The following SVEP1 variants were observed in gnomAD, a reference collection of about 807,000 sequenced individuals.
SVEP1 encodes the protein sushi, von Willebrand factor type A, EGF and pentraxin domain-containing protein 1.
Under a neutral mutation model 367.3 loss-of-function variants are expected in SVEP1, and 164 were observed. The ratio of observed to expected loss-of-function variants is 0.45; its 90% CI spans 0.39 to 0.51. The LOEUF (loss-of-function observed/expected upper bound fraction) is 0.51, where lower values mean the gene tolerates loss of function less well. SVEP1 is among the 20% of genes least tolerant of loss of function. The pLI is 0.00. For missense variants in SVEP1, 4,117 were observed against 4,425.3 expected (o/e 0.93, Z 1.98); for synonymous variants, 1,666 against 1,611.6 (o/e 1.03, Z -0.81).
chr9:110,446,566 TTCTCAAACATGTCCATGGAGTCTCACC>T (rs761275356), intron 25 of SVEP1, among the ~76,000 whole-genome samples: 256 of 152,348 alleles, frequency 1.7e-3, no homozygotes, highest in Non-Finnish European at 2.9e-3. Flanking sequence ...GATCTGCTGA[TTCTCAAACATGTCCATGGAGTCTCACC>T]TCTGAAGTCA....
At chr9:110,426,193 C>T (rs1285905455) in intron 36 of SVEP1, among the ~76,000 whole-genome samples, 1 of 152,106 alleles carries the variant, frequency 6.6e-6, no homozygotes, top group Admixed American at 6.6e-5. Context: ...AAGATTTGGG[C>T]TTCAGTTATT....
rs1240169792 is a variant in SVEP1, at chr9:110,365,607, T to G, written c.*932A>C. On this transcript the variant is annotated 3_prime_UTR_variant, in exon 48 of 48. Transcript: ENST00000374469. ...GATAGAGGTAGGTGACAGTGAGGAC[T>G]GAGGGGCAGCTCAGCTTTCTCTTAG... is the stretch of plus-strand genomic sequence containing the variant. 6.6e-6 allele frequency: 1 copy of G among 152,280 alleles called. No individual in the cohort carries two copies. The highest frequency in any genetic ancestry group is 1.5e-5 in the Non-Finnish European group (1 of 68,068). The allele number at this position is 152,280 out of a possible 1,614,324, so 9.4% of individuals were successfully genotyped here.
chr9:110,554,260 C>A (rs1221731300), intron 1 of SVEP1, among the ~76,000 whole-genome samples: 1 of 151,752 alleles, frequency 6.6e-6, no homozygotes, highest in Admixed American at 6.6e-5. Context: ...TTTTTCTTTT[C>A]CAATAGAGCT....
chr9:110,505,626 C>G (rs1479858917), intron 5 of SVEP1, among the ~76,000 whole-genome samples: 1 of 152,106 alleles, frequency 6.6e-6, no homozygotes, highest in Non-Finnish European at 1.5e-5. Context: ...CTAAAAACTT[C>G]CAGCTCCTTT....
chr9:110,473,240 G>A (rs1254275704), intron 14 of SVEP1, among the ~76,000 whole-genome samples: 1 of 151,984 alleles, frequency 6.6e-6, no homozygotes, highest in Admixed American at 6.6e-5. Context: ...AATTAACTGG[G>A]ATTAATATCA....
rs757038577 is a variant in SVEP1 at position 110,459,072 on chromosome 9, G to T, written c.3364C>A (p.Pro1122Thr). 4.3e-6 allele frequency: 7 copies of T among 1,613,734 alleles called. No homozygotes were observed. In the Admixed American group the frequency reaches 1.0e-4, roughly 23 times the overall value. The change falls in exon 19 of 48, where the codon CCC becomes ACC. Residue 1122 changes from proline to threonine, a missense_variant. Pro to Thr is a conservative substitution (Grantham distance 38). Transcript: ENST00000374469. ...TAGTCACGAGGACATGGGTGACAGGGCATTAACCCAGAACGCGAGAATTTT... is the reference window on the plus strand; with the variant it reads ...TAGTCACGAGGACATGGGTGACAGGTCATTAACCCAGAACGCGAGAATTTT... ...EGKFSRSGLMPCHPCPRDYYQ... is the reference protein window; with the variant it reads ...EGKFSRSGLMTCHPCPRDYYQ...
At chr9:110,447,637 T>G (rs1007051642) in intron 24 of SVEP1, among the ~76,000 whole-genome samples, 1 of 152,044 alleles carries the variant, frequency 6.6e-6, no homozygotes, top group Non-Finnish European at 1.5e-5. Context: ...TTGACAAGAG[T>G]GTCATAAAAT....
chr9:110,410,140 A>C (rs925362715), intron 37 of SVEP1, among the ~76,000 whole-genome samples: 2 of 152,254 alleles, frequency 1.3e-5, no homozygotes, highest in Non-Finnish European at 2.9e-5. Context: ...AGCCTTAAAT[A>C]AAAGGCTTTT....
At chr9:110,390,324 C>CG (rs1827630155) in intron 40 of SVEP1, among the ~76,000 whole-genome samples, 1 of 70,214 alleles carries the variant, frequency 1.4e-5, no homozygotes, top group African/African-American at 5.5e-5. Flanking sequence ...TGTATATATA[C>CG]TTATATATAC....
At position 110,408,186 on chromosome 9, in the gene SVEP1, A is replaced by G. The variant is rs1200772682; in HGVS notation, c.7414T>C (p.Leu2472=). 2 of 1,613,996 alleles carry G rather than the reference A, an allele frequency of 1.2e-6. No individual in the cohort carries two copies. The highest frequency in any genetic ancestry group is 1.7e-6 in the Non-Finnish European group (2 of 1,179,890). Residue 2472 remains leucine, a synonymous_variant, in exon 38 of 48, where the codon TTG becomes CTG. Transcript: ENST00000374469. Reference sequence around the variant, plus strand: ...CAAAGGGTGGTAGTATTTCCCACCAATTCAAAGCCTGGCTTGCAGGTATAG... The same window carrying G: ...CAAAGGGTGGTAGTATTTCCCACCAGTTCAAAGCCTGGCTTGCAGGTATAG... ...ALYTCKPGFE[L]VGNTTTLCGE...
At chr9:110,438,328 T>A (rs556243899) in intron 27 of SVEP1, among the ~76,000 whole-genome samples, 29 of 151,868 alleles carry the variant, frequency 1.9e-4, no homozygotes, top group Non-Finnish European at 3.4e-4. Context: ...ATAGCTGGGA[T>A]TACAGGTATG....
At position 110,377,325 on chromosome 9, in the gene SVEP1, G is replaced by T. The variant is rs189890058; in HGVS notation, c.10450C>A (p.Arg3484Ser). Reference protein sequence around the residue: ...FPCQNGGICQRPNACSCPEGW... With the variant: ...FPCQNGGICQSPNACSCPEGW... Reference sequence around the variant, plus strand: ...TCTGGACAGGAACAAGCATTTGGGCGTTGGCAGATGCCCCCATTCTGACAT... The same window carrying T: ...TCTGGACAGGAACAAGCATTTGGGCTTTGGCAGATGCCCCCATTCTGACAT... Residue 3484 changes from arginine (R) to serine (S), a missense_variant, in exon 45 of 48, where the codon CGC (arginine) becomes AGC (serine). Physicochemically the swap from Arg to Ser is moderately radical, Grantham distance 110. This residue lies in a region of SVEP1 where 1,765 missense variants were observed against 1,781.1 expected (regional missense o/e 0.99). Transcript: ENST00000374469. The T allele has an allele frequency of 1.2e-6, 2 of 1,613,810 alleles. No homozygotes were observed. The highest frequency in any genetic ancestry group is 1.7e-5 in the Admixed American group (1 of 60,008).
chr9:110,366,620 T>C (rs1827204600), intron 47 of SVEP1, 60 bp from the exon 48 acceptor site: 3 of 1,483,264 alleles, frequency 2.0e-6, no homozygotes, highest in Non-Finnish European at 2.7e-6. Context: ...ACTGAAGAGC[T>C]AACATCTCTT....
intron 5 of SVEP1, among the ~76,000 whole-genome samples, chr9:110,507,356 G>C (rs1829641040): frequency 6.6e-6 from 1 of 152,112 alleles, no homozygotes; most frequent in Non-Finnish European, 1.5e-5. Flanking sequence ...TAAAATACCA[G>C]GAAAGGAAGC....
intron 18 of SVEP1, among the ~76,000 whole-genome samples, chr9:110,463,314 CA>C (rs1467941686): frequency 1.3e-5 from 2 of 152,020 alleles, no homozygotes; most frequent in African/African-American, 4.8e-5. Flanking sequence ...TGTGTACCTA[CA>C]AACCCAAGAA....
chr9:110,454,816 G>A (rs1029861833), intron 22 of SVEP1, among the ~76,000 whole-genome samples: 1 of 152,158 alleles, frequency 6.6e-6, no homozygotes, highest in African/African-American at 2.4e-5. Context: ...GAGGGGAGAA[G>A]AAAGGTGGTG....
rs71371670 is a variant in SVEP1 at position 110,466,760 on chromosome 9, C to CAAAAAA, written c.3161-740_3161-735dup. On this transcript the variant is annotated intron_variant, in intron 17 of 47. Coordinates refer to ENST00000374469, the MANE Select transcript of SVEP1 (RefSeq NM_153366.4). ...TGGGCGACAGAGCGAGACTCCATCTCAAAAAAAAAAAAAAAAAAGAACTGG... is the reference window on the plus strand; with the variant it reads ...TGGGCGACAGAGCGAGACTCCATCTCAAAAAAAAAAAAAAAAAAAAAAAAGAACTGG... 3.6e-3 allele frequency among the ~76,000 whole-genome samples: 166 copies of CAAAAAA among 46,390 alleles called. 53 individuals carry two copies. Among genetic ancestry groups the CAAAAAA allele is most frequent in the African/African-American group, 6.2e-3 (67 of 10,796 alleles). The allele number at this position is 46,390 out of a possible 152,430, so 30.4% of individuals were successfully genotyped here.
Position 110,366,487 on chromosome 9 carries a change from T to C in SVEP1, c.*52A>G. On this transcript the variant is annotated 3_prime_UTR_variant, in exon 48 of 48. Transcript: ENST00000374469. ...CATAAGTTCCAGGATGCCCAGGCAC[T>C]ACCGAGGAGAGATGATCCTGCTTTT... 2 of 1,500,610 alleles carry C rather than the reference T, an allele frequency of 1.3e-6. No individual in the cohort carries two copies. Among genetic ancestry groups the C allele is most frequent in the Admixed American group, 2.3e-5 (1 of 42,650 alleles). The allele number at this position is 1,500,610 out of a possible 1,614,324, so 93.0% of individuals were successfully genotyped here.
intron 9 of SVEP1, among the ~76,000 whole-genome samples, chr9:110,487,952 C>T (rs536906771): frequency 2.0e-5 from 3 of 152,208 alleles, no homozygotes; most frequent in Middle Eastern, 3.4e-3. Flanking sequence ...GCCTACCTCT[C>T]CATGTATTTT....
Sources: gnomAD v4.1 joint callset for allele counts (sites outside exome capture counted in the v4.1 genomes callset) on GRCh38, gnomAD v4.1.1 for gene constraint, gnomAD v4.1.1 regional missense constraint, MANE v1.5 for transcripts, NCBI Gene and HGNC (gene_info 2026-07-23, HGNC 2026-07-21) for gene names.